TRIM37: variants seen among roughly 807,000 people sequenced by gnomAD.
TRIM37 encodes tripartite motif containing 37.
TRIM37 carries 80 observed loss-of-function variants against 129.8 expected under a neutral mutation model. The observed-to-expected ratio is 0.62, with a 90% CI of 0.51 to 0.74. The LOEUF (loss-of-function observed/expected upper bound fraction) is 0.74. TRIM37 is among the 30% of genes least tolerant of loss of function. The pLI is 0.00. For missense variants in TRIM37, 1,054 were observed against 1,176.5 expected (o/e 0.90, Z 1.52); for synonymous variants, 389 against 387.1 (o/e 1.00, Z -0.06).
chr17:58,999,709 A>T (rs1179476245), intron 23 of TRIM37, among the ~76,000 whole-genome samples: 1 of 152,214 alleles, frequency 6.6e-6, no homozygotes, highest in African/African-American at 2.4e-5. Context: ...GATGACAGGA[A>T]TTGTCTCATT....
At chr17:59,014,468 C>A (rs1232768310) in intron 21 of TRIM37, among the ~76,000 whole-genome samples, 3 of 151,900 alleles carry the variant, frequency 2.0e-5, no homozygotes, top group Non-Finnish European at 4.4e-5. Context: ...AATTGCCATG[C>A]CGGGGATTTG....
intron 24 of TRIM37, among the ~76,000 whole-genome samples, chr17:58,992,287 TTATATA>T (rs1400693751): frequency 2.2e-5 from 3 of 135,210 alleles, no homozygotes; most frequent in African/African-American, 8.3e-5. Context: ...ATATTTATAT[TTATATA>T]TATTTATATA....
At chr17:59,036,246 A>C (rs2038462666) in intron 17 of TRIM37, among the ~76,000 whole-genome samples, 1 of 152,142 alleles carries the variant, frequency 6.6e-6, no homozygotes, top group Admixed American at 6.5e-5. Flanking sequence ...CGTCTCTATA[A>C]AAAATTAGTT....
At chr17:59,011,657 T>C (rs1225417882) in intron 22 of TRIM37, among the ~76,000 whole-genome samples, 1 of 152,218 alleles carries the variant, frequency 6.6e-6, no homozygotes, top group African/African-American at 2.4e-5. Context: ...AATTGCAAAA[T>C]GTCTTCTATG....
chr17:59,035,066 CT>C (rs1453653063), intron 17 of TRIM37, among the ~76,000 whole-genome samples: 1 of 151,832 alleles, frequency 6.6e-6, no homozygotes, highest in Admixed American at 6.6e-5. Context: ...AAATATTTTT[CT>C]TTTTTTCTTT....
At chr17:59,103,326 T>C (rs2045690389) in intron 2 of TRIM37, among the ~76,000 whole-genome samples, 1 of 152,006 alleles carries the variant, frequency 6.6e-6, no homozygotes, top group Admixed American at 6.6e-5. Context: ...AATCTTGGAC[T>C]TCCTCATTTT....
intron 9 of TRIM37, among the ~76,000 whole-genome samples, chr17:59,065,996 T>C (rs118019940): frequency 0.012 from 1,834 of 152,326 alleles, 18 homozygotes; most frequent in Middle Eastern, 0.041. Flanking sequence ...AGTCAGTTGT[T>C]ATCCTTCTTA....
chr17:59,019,417 T>C (rs1404596994), intron 19 of TRIM37, among the ~76,000 whole-genome samples: 1 of 152,104 alleles, frequency 6.6e-6, no homozygotes, highest in Non-Finnish European at 1.5e-5. Flanking sequence ...TGAGTCTATA[T>C]AAAAAGTCCA....
chr17:59,088,818 A>T (rs941730192), intron 3 of TRIM37, among the ~76,000 whole-genome samples: 1 of 152,142 alleles, frequency 6.6e-6, no homozygotes, highest in African/African-American at 2.4e-5. Flanking sequence ...ATACTATTAA[A>T]ACTAAAAAAA....
intron 22 of TRIM37, among the ~76,000 whole-genome samples, chr17:59,008,935 C>T (rs1404405566): frequency 6.6e-6 from 1 of 152,104 alleles, no homozygotes; most frequent in Non-Finnish European, 1.5e-5. Flanking sequence ...GGACATTCCA[C>T]GTAACTCTTC....
intron 2 of TRIM37, among the ~76,000 whole-genome samples, chr17:59,096,593 A>C (rs1045030592): frequency 2.0e-5 from 3 of 151,832 alleles, no homozygotes; most frequent in African/African-American, 7.3e-5. Flanking sequence ...TTGTAACAGA[A>C]AACAAGGTCT....
chr17:59,042,408 G>C (rs1307139775), intron 16 of TRIM37, among the ~76,000 whole-genome samples: 1 of 90,034 alleles, frequency 1.1e-5, no homozygotes, highest in Non-Finnish European at 2.2e-5. Flanking sequence ...GTTCTTCTTA[G>C]AAAGCTAAGA....
Position 59,106,578 on chromosome 17 carries a change from G to GAGCCCCCTGACGT in TRIM37, c.-118_-117insACGTCAGGGGGCT. 1 of 1,298,454 alleles carries GAGCCCCCTGACGT rather than the reference G, an allele frequency of 7.7e-7. No individual in the cohort carries two copies. Among genetic ancestry groups the GAGCCCCCTGACGT allele is most frequent in the Non-Finnish European group, 1.1e-6 (1 of 918,182 alleles). The allele number at this position is 1,298,454 out of a possible 1,614,324, so 80.4% of individuals were successfully genotyped here. On this transcript the variant is annotated 5_prime_UTR_variant, in exon 1 of 24. An upstream open reading frame in the 5' UTR loses its in-frame stop. Coordinates refer to ENST00000262294, the MANE Select transcript of TRIM37 (RefSeq NM_015294.6). ...CGATAAAAGCCCGGCGCCCACGTCAGGGGGCTCTGACAACCGCCCCACCTG... is the reference window on the plus strand; with the variant it reads ...CGATAAAAGCCCGGCGCCCACGTCAGAGCCCCCTGACGTGGGGCTCTGACAACCGCCCCACCTG...
chr17:59,059,774 C>T (rs980694069), intron 12 of TRIM37, among the ~76,000 whole-genome samples: 1 of 152,196 alleles, frequency 6.6e-6, no homozygotes, highest in Non-Finnish European at 1.5e-5. Context: ...TCAGGTCTCA[C>T]TTTTGTTAGG....
chr17:59,001,103 G>A (rs996404959), intron 23 of TRIM37, among the ~76,000 whole-genome samples: 2 of 151,008 alleles, frequency 1.3e-5, no homozygotes, highest in Non-Finnish European at 2.9e-5. Context: ...GCTGAGGCAG[G>A]AGAATCGCTT....
intron 2 of TRIM37, 140 bp downstream of exon 2, chr17:59,104,153 C>T: frequency 1.4e-6 from 1 of 702,842 alleles, no homozygotes; most frequent in Non-Finnish European, 2.4e-6. Flanking sequence ...TGTCATTTAT[C>T]TTAGTATTCC....
In TRIM37 at chr17:58,998,996, A is replaced by G. The variant is rs886053173; in HGVS notation, c.*381T>C. 2.4e-4 allele frequency: 264 copies of G among 1,093,308 alleles called. 1 individual carries two copies. Among genetic ancestry groups the G allele is most frequent in the Non-Finnish European group, 2.0e-4 (177 of 894,220 alleles). 67.7% of individuals were successfully genotyped at this position (1,093,308 alleles called of 1,614,324 possible). Reference sequence around the variant, plus strand: ...ATTTAAACACAACTAAGCTCTAGCCAAAGACAGTAGAGCACCAATGCCGGG... The same window carrying G: ...ATTTAAACACAACTAAGCTCTAGCCGAAGACAGTAGAGCACCAATGCCGGG... On this transcript the variant is annotated 3_prime_UTR_variant, in exon 24 of 24. Coordinates refer to ENST00000262294, the MANE Select transcript of TRIM37 (RefSeq NM_015294.6).
Position 59,075,334 on chromosome 17 carries a change from C to T in TRIM37, c.684+313G>A, listed in dbSNP as rs913399255. Among the ~76,000 whole-genome samples the T allele has an allele frequency of 6.4e-4, 98 of 152,006 alleles. 1 individual carries two copies. The highest frequency in any genetic ancestry group is 2.3e-3 in the African/African-American group (96 of 41,498). Reference sequence around the variant, plus strand: ...ATCCCAGCAGCTTGGGAGGCTGAGGCGGGCAGATCACCAGGTCAGGAGATC... The same window carrying T: ...ATCCCAGCAGCTTGGGAGGCTGAGGTGGGCAGATCACCAGGTCAGGAGATC... On this transcript the variant is annotated intron_variant, in intron 8 of 23. Coordinates refer to ENST00000262294, the MANE Select transcript of TRIM37 (RefSeq NM_015294.6).
chr17:59,045,293 C>T (rs2039659907), intron 16 of TRIM37, among the ~76,000 whole-genome samples: 1 of 150,978 alleles, frequency 6.6e-6, no homozygotes, highest in African/African-American at 2.4e-5. Context: ...TGCGCCACTG[C>T]ACTCCAGCCT....
Sources: gnomAD v4.1 joint callset for allele counts (sites outside exome capture counted in the v4.1 genomes callset) on GRCh38, gnomAD v4.1.1 for gene constraint, MANE v1.5 for transcripts, NCBI Gene and HGNC (gene_info 2026-07-23, HGNC 2026-07-21) for gene names.